Variants in SP110 observed in about 807,000 individuals in gnomAD.
SP110 encodes interferon-induced protein 41, 30kD.
Under a neutral mutation model 92.7 loss-of-function variants are expected in SP110, and 62 were observed. The ratio of observed to expected loss-of-function variants is 0.67; its 90% CI spans 0.55 to 0.83. The LOEUF is 0.83. Ranked by LOEUF, SP110 falls within the 40% of genes least tolerant of loss-of-function variation. The pLI, the probability that SP110 is intolerant of heterozygous loss-of-function variation, is 0.00. For missense variants in SP110, 793 were observed against 863.9 expected (o/e 0.92, Z 1.03); for synonymous variants, 273 against 305.3 (o/e 0.89, Z 1.10).
In SP110 at chr2:230,178,161, T is replaced by C. The variant is rs144396533; in HGVS notation, c.1443A>G (p.Lys481=). 2.6e-5 allele frequency: 41 copies of C among 1,600,210 alleles called. No individual in the cohort carries two copies. The highest frequency in any genetic ancestry group is 3.3e-5 in the Admixed American group (2 of 59,966). ...GCAGAAGACCAAGGAACTCACCGTG[T>C]TTCATTTTCTTCTTATATAAAATCC... is the stretch of plus-strand genomic sequence containing the variant. ...AKGILYKKKM[K]HGSSVKCIRN... The change falls in exon 13 of 19, where the codon AAA becomes AAG. Residue 481 remains lysine, a synonymous_variant. Transcript: ENST00000258381.
chr2:230,186,392 C>G (rs961769237), intron 10 of SP110, among the ~76,000 whole-genome samples: 1 of 152,106 alleles, frequency 6.6e-6, no homozygotes. Context: ...GTCTTGCTCA[C>G]TGCTGAGTTC....
Position 230,202,638 on chromosome 2 carries a change from G to T in SP110, c.989C>A (p.Thr330Lys), listed in dbSNP as rs141019373. 1 of 1,613,972 alleles carries T rather than the reference G, an allele frequency of 6.2e-7. No individual in the cohort carries two copies. Among genetic ancestry groups the T allele is most frequent in the African/African-American group, 1.3e-5 (1 of 75,006 alleles). ...QKKDDSTCNS[T>K]VETRAQKART... is the part of the protein sequence containing the mutation. ...CGCCTTTTGGGCCCTTGTCTCTACC[G>T]TGGAGTTACAAGTTGAGTCATCTTT... Residue 330 changes from threonine (T) to lysine (K), a missense_variant, in exon 9 of 19, where the codon ACG (threonine) becomes AAG (lysine). Coordinates refer to ENST00000258381, the MANE Select transcript of SP110 (RefSeq NM_080424.4).
upstream of SP110, among the ~76,000 whole-genome samples, chr2:230,221,486 C>T (rs2045811519): frequency 6.6e-6 from 1 of 152,028 alleles, no homozygotes; most frequent in African/African-American, 2.4e-5. Context: ...ACAGCATATC[C>T]CACCCTAGTA....
At chr2:230,174,879 GTCGGGTAAACCT>G (rs1333418706) in intron 14 of SP110, among the ~76,000 whole-genome samples, 1 of 152,228 alleles carries the variant, frequency 6.6e-6, no homozygotes, top group Non-Finnish European at 1.5e-5. Flanking sequence ...CTCATTCTCA[GTCGGGTAAACCT>G]TCATCTTATT....
At chr2:230,177,139 C>T (rs188211795) in intron 14 of SP110, among the ~76,000 whole-genome samples, 67 of 152,242 alleles carry the variant, frequency 4.4e-4, no homozygotes, top group Middle Eastern at 3.4e-3. Flanking sequence ...GGACATGCAG[C>T]GGAGAGACAG....
chr2:230,177,415 T>C, intron 14 of SP110, 123 bp downstream of exon 14: 8 of 1,083,920 alleles, frequency 7.4e-6, no homozygotes, highest in Middle Eastern at 2.0e-4. Context: ...TCTATGAACA[T>C]TTAACTCCTT....
At chr2:230,172,552 C>G (rs1397134663) in intron 15 of SP110, 2 of 528,426 alleles carry the variant, frequency 3.8e-6, no homozygotes, top group Non-Finnish European at 6.9e-6. Context: ...AGCCGTGCTT[C>G]CTGTCTTTCC....
At chr2:230,200,787 GA>G (rs557840697) in intron 10 of SP110, 97 bp downstream of exon 10, 837 of 882,666 alleles carry the variant, frequency 9.5e-4, no homozygotes, top group Non-Finnish European at 1.3e-3. Context: ...CAGTAATAAT[GA>G]AAAAAAAAAG....
At chr2:230,210,085 C>T in intron 6 of SP110, 77 bp from the exon 7 acceptor site, 1 of 888,140 alleles carries the variant, frequency 1.1e-6, no homozygotes, top group South Asian at 1.3e-5. Context: ...AATGCAAGAA[C>T]TAGAAAAGTA....
chr2:230,205,490 A>T (rs113612478), intron 8 of SP110, among the ~76,000 whole-genome samples: 10 of 152,212 alleles, frequency 6.6e-5, no homozygotes, highest in Admixed American at 3.3e-4. Context: ...ACTTGAAATT[A>T]TCTTGTTTAT....
intron 12 of SP110, among the ~76,000 whole-genome samples, chr2:230,178,766 T>C (rs1560531344): frequency 6.6e-6 from 1 of 152,202 alleles, no homozygotes; most frequent in African/African-American, 2.4e-5. Context: ...TCTTCCTCGA[T>C]GAATAAAAGA....
In SP110 at chr2:230,183,717, T is replaced by C. The variant is rs2148734358; in HGVS notation, c.1280-77A>G. The C allele has an allele frequency of 9.3e-6, 9 of 967,506 alleles. No homozygotes were observed. In the East Asian group the frequency reaches 2.1e-4, roughly 23 times the overall value. 59.9% of individuals were successfully genotyped at this position (967,506 alleles called of 1,614,324 possible). ...CTCATAGGTTAACAATCTTCAAGCA[T>C]TTTTTCCTGTTTTTCTACCAGTTTG... On this transcript the variant is annotated intron_variant, in intron 11 of 18. Coordinates refer to ENST00000258381, the MANE Select transcript of SP110 (RefSeq NM_080424.4).
chr2:230,171,946 G>A (rs920289995), intron 16 of SP110, 120 bp downstream of exon 16: 17 of 844,610 alleles, frequency 2.0e-5, no homozygotes, highest in East Asian at 1.4e-4. Flanking sequence ...GCATTAAATC[G>A]TCATCCTTTA....
In SP110 at chr2:230,167,593, G is replaced by C. The variant is rs986962984; in HGVS notation, c.*1531C>G. The stretch of plus-strand genomic sequence containing the variant: ...TGCTTCTAAAGATGGGAGCAGCAAT[G>C]TTTCTTCCCAAGCAACATTCTCCTT... On this transcript the variant is annotated 3_prime_UTR_variant, in exon 19 of 19. Coordinates refer to ENST00000258381, the MANE Select transcript of SP110 (RefSeq NM_080424.4). The C allele has an allele frequency of 3.3e-5, 5 of 152,144 alleles. No homozygotes were observed. The highest frequency in any genetic ancestry group is 1.2e-4 in the African/African-American group (5 of 41,430). The allele number at this position is 152,144 out of a possible 1,614,324, so 9.4% of individuals were successfully genotyped here.
intron 10 of SP110, among the ~76,000 whole-genome samples, chr2:230,199,282 C>T (rs758626112): frequency 7.2e-6 from 1 of 138,070 alleles, no homozygotes; most frequent in Non-Finnish European, 1.5e-5. Flanking sequence ...GATCTTGGCT[C>T]GCTGCAACCT....
rs192958499 is a variant in SP110 at position 230,183,757 on chromosome 2, A to G, written c.1280-117T>C. On this transcript the variant is annotated intron_variant, in intron 11 of 18. Coordinates refer to ENST00000258381, the MANE Select transcript of SP110 (RefSeq NM_080424.4). ...CTACCAGTTTGGAGAGACAAGTTACATATGAGTCCTTATGAAAGGACTTCC... is the reference window on the plus strand; with the variant it reads ...CTACCAGTTTGGAGAGACAAGTTACGTATGAGTCCTTATGAAAGGACTTCC... 287 of 753,120 alleles carry G rather than the reference A, an allele frequency of 3.8e-4. 1 individual carries two copies. The African/African-American group carries it at 3.9e-3, about 10-fold the overall frequency. 46.7% of individuals were successfully genotyped at this position (753,120 alleles called of 1,614,324 possible).
chr2:230,185,302 C>T (rs2042306531), intron 11 of SP110, among the ~76,000 whole-genome samples: 1 of 152,202 alleles, frequency 6.6e-6, no homozygotes, highest in Non-Finnish European at 1.5e-5. Context: ...CCTGAGTCCA[C>T]AGGCAGGGCT....
chr2:230,179,518 A>C (rs2042031861), intron 12 of SP110, among the ~76,000 whole-genome samples: 1 of 151,652 alleles, frequency 6.6e-6, no homozygotes, highest in African/African-American at 2.4e-5. Flanking sequence ...AGGGGCTTGT[A>C]ATCCTGGCTC....
At chr2:230,199,005 TGCCACATGCTGAGGATGATGGA>T (rs1216226610) in intron 10 of SP110, among the ~76,000 whole-genome samples, 9 of 152,026 alleles carry the variant, frequency 5.9e-5, no homozygotes, top group South Asian at 2.1e-4. Context: ...ATAAAGGGGA[TGCCACATGCTGAGGATGATGGA>T]GCCACATGCT....
Sources: allele counts gnomAD v4.1 joint callset (sites outside exome capture counted in the v4.1 genomes callset), GRCh38; gene constraint gnomAD v4.1.1; transcripts MANE v1.5; gene names NCBI Gene and HGNC (gene_info 2026-07-23, HGNC 2026-07-21).